DLG2: variants seen among roughly 807,000 people sequenced by gnomAD.
DLG2 encodes discs large MAGUK scaffold protein 2.
Under a neutral mutation model 132.5 loss-of-function variants are expected in DLG2, and 45 were observed. The ratio of observed to expected loss-of-function variants is 0.34; its 90% CI spans 0.27 to 0.44. DLG2 has a LOEUF of 0.44. Among genes scored for constraint, DLG2 ranks in the 20% least tolerant of loss-of-function variants. The pLI is 1.00. For synonymous variants in DLG2, 424 were observed against 419.6 expected (o/e 1.01, Z -0.13); for missense variants, 1,045 against 1,196.9 (o/e 0.87, Z 1.87).
intron 6 of DLG2, among the ~76,000 whole-genome samples, chr11:85,020,228 G>A (rs113786600): frequency 0.097 from 14,821 of 152,232 alleles, 1,009 homozygotes; most frequent in Non-Finnish European, 0.14. Flanking sequence ...GTAATGATGA[G>A]CATTTTTTCA....
At chr11:83,884,007 G>A (rs530603648) in intron 15 of DLG2, among the ~76,000 whole-genome samples, 33 of 138,416 alleles carry the variant, frequency 2.4e-4, no homozygotes, top group East Asian at 1.5e-3. Context: ...AGCTCCCAGC[G>A]TGAGTGACGC....
At chr11:85,203,426 C>T (rs192135149) in intron 4 of DLG2, among the ~76,000 whole-genome samples, 1 of 152,028 alleles carries the variant, frequency 6.6e-6, no homozygotes, top group East Asian at 1.9e-4. Context: ...TATATGCCAA[C>T]ACATTAGGAA....
chr11:83,597,798 CAAACAAACA>C (rs1450223212), intron 19 of DLG2, among the ~76,000 whole-genome samples: 3 of 140,886 alleles, frequency 2.1e-5, no homozygotes, highest in African/African-American at 6.4e-5. Flanking sequence ...AACAAACAAA[CAAACAAACA>C]AACAAACAAA....
intron 6 of DLG2, among the ~76,000 whole-genome samples, chr11:85,105,827 C>T (rs2071643317): frequency 1.3e-5 from 2 of 151,842 alleles, no homozygotes; most frequent in Non-Finnish European, 2.9e-5. Flanking sequence ...AGGGTGCTGC[C>T]TTCATAGAAG....
At chr11:83,626,677 G>C (rs1174314902) in intron 19 of DLG2, among the ~76,000 whole-genome samples, 1 of 152,132 alleles carries the variant, frequency 6.6e-6, no homozygotes, top group Non-Finnish European at 1.5e-5. Context: ...GCTGGAAAGG[G>C]GTGAAGAATG....
At chr11:85,250,448 T>C (rs1375224219) in intron 4 of DLG2, among the ~76,000 whole-genome samples, 1 of 152,202 alleles carries the variant, frequency 6.6e-6, no homozygotes, top group Non-Finnish European at 1.5e-5. Flanking sequence ...TGTTTTTTAA[T>C]AAAAGAAGTT....
intron 3 of DLG2, among the ~76,000 whole-genome samples, chr11:85,422,089 C>A (rs2090358502): frequency 6.6e-6 from 1 of 152,154 alleles, no homozygotes; most frequent in South Asian, 2.1e-4. Flanking sequence ...TTATAGGTTA[C>A]CTGGTGCTTT....
chr11:85,137,606 T>G (rs894153707), intron 5 of DLG2, among the ~76,000 whole-genome samples: 1 of 152,114 alleles, frequency 6.6e-6, no homozygotes, highest in Non-Finnish European at 1.5e-5. Context: ...CCTAAAAAGA[T>G]AGGTTCATCT....
intron 19 of DLG2, among the ~76,000 whole-genome samples, chr11:83,583,498 T>C (rs1043129761): frequency 6.6e-6 from 1 of 152,224 alleles, no homozygotes; most frequent in Non-Finnish European, 1.5e-5. Flanking sequence ...TGGGGCCTGG[T>C]ATTAATTCTT....
intron 3 of DLG2, among the ~76,000 whole-genome samples, chr11:85,475,957 GA>G (rs1254944211): frequency 1.3e-5 from 2 of 152,130 alleles, no homozygotes; most frequent in Non-Finnish European, 2.9e-5. Flanking sequence ...AAAGATCTAA[GA>G]AAGTATCTAC....
chr11:84,481,337 G>T (rs2099137071), intron 7 of DLG2, among the ~76,000 whole-genome samples: 1 of 152,006 alleles, frequency 6.6e-6, no homozygotes, highest in South Asian at 2.1e-4. Context: ...TGCATCATTA[G>T]ATCTCTTCTG....
intron 3 of DLG2, among the ~76,000 whole-genome samples, chr11:85,289,823 T>C (rs993132402): frequency 6.6e-6 from 1 of 152,140 alleles, no homozygotes; most frequent in African/African-American, 2.4e-5. Context: ...TCCCATACTT[T>C]CTCTTCTGCA....
chr11:84,316,647 G>T (rs1233378631), intron 7 of DLG2, among the ~76,000 whole-genome samples: 1 of 152,098 alleles, frequency 6.6e-6, no homozygotes, highest in African/African-American at 2.4e-5. Flanking sequence ...ACTTTCACAG[G>T]CCACCAGAGG....
chr11:84,932,872 T>A (rs2048269096), intron 6 of DLG2, among the ~76,000 whole-genome samples: 1 of 152,230 alleles, frequency 6.6e-6, no homozygotes, highest in Non-Finnish European at 1.5e-5. Flanking sequence ...TTTGGGTACG[T>A]ACCCAGTAAT....
At chr11:84,566,299 G>C (rs1349724867) in intron 6 of DLG2, among the ~76,000 whole-genome samples, 1 of 152,048 alleles carries the variant, frequency 6.6e-6, no homozygotes, top group Non-Finnish European at 1.5e-5. Flanking sequence ...TTAGAAAAAT[G>C]AAACTCTAGT....
chr11:85,582,688 A>AAAAAAAAAAAAAAAAAAC (rs2078624222), intron 3 of DLG2, among the ~76,000 whole-genome samples: 1 of 133,746 alleles, frequency 7.5e-6, no homozygotes, highest in Non-Finnish European at 1.6e-5. Context: ...AAAAAAAAAA[A>AAAAAAAAAAAAAAAAAAC]AAAAAAAAAA....
intron 18 of DLG2, among the ~76,000 whole-genome samples, chr11:83,744,339 A>G (rs2092752091): frequency 6.6e-6 from 1 of 152,184 alleles, no homozygotes; most frequent in South Asian, 2.1e-4. Flanking sequence ...GATAGTTTCT[A>G]TTTCCCATAT....
chr11:85,350,840 C>G (rs1009504951), intron 3 of DLG2, among the ~76,000 whole-genome samples: 1 of 151,760 alleles, frequency 6.6e-6, no homozygotes, highest in Non-Finnish European at 1.5e-5. Flanking sequence ...AGTCAGGTAG[C>G]GTGATGCCTC....
chr11:83,882,415 C>T (rs545611714), intron 15 of DLG2, among the ~76,000 whole-genome samples: 46 of 152,208 alleles, frequency 3.0e-4, no homozygotes, highest in African/African-American at 1.1e-3. Flanking sequence ...CATGTTGGGA[C>T]AAACAGATGG....
Sources: gnomAD v4.1 joint callset for allele counts (sites outside exome capture counted in the v4.1 genomes callset) on GRCh38, gnomAD v4.1.1 for gene constraint, MANE v1.5 for transcripts, NCBI Gene and HGNC (gene_info 2026-07-23, HGNC 2026-07-21) for gene names.